Variants in ULK4 observed in about 807,000 individuals in gnomAD.
ULK4 encodes inactive serine/threonine-protein kinase ULK4.
A neutral mutation model predicts 160.6 loss-of-function variants in ULK4; 133 were observed. That is an observed-to-expected ratio of 0.83 (90% confidence interval 0.72 to 0.96). ULK4 has a LOEUF of 0.96. ULK4 is among the 40% of genes least tolerant of loss of function. ULK4 has a pLI of 0.00. For missense variants in ULK4, 1,580 were observed against 1,499.5 expected, an observed-to-expected ratio of 1.05 and a Z score of -0.89; for synonymous variants, 534 against 539.8, an observed-to-expected ratio of 0.99 and a Z score of 0.15.
At chr3:41,492,354 TAA>T (rs2084807875) in intron 32 of ULK4, among the ~76,000 whole-genome samples, 1 of 152,018 alleles carries the variant, frequency 6.6e-6, no homozygotes, top group Non-Finnish European at 1.5e-5. Flanking sequence ...GCCAACAGTG[TAA>T]AAGTGTTCCT....
At chr3:41,939,762 T>C (rs990259154) in intron 2 of ULK4, among the ~76,000 whole-genome samples, 16 of 151,348 alleles carry the variant, frequency 1.1e-4, no homozygotes, top group Non-Finnish European at 2.4e-4. Context: ...CAGCAGCAGG[T>C]GAGCAGTCAG....
chr3:41,381,087 G>A (rs954099962), intron 35 of ULK4, among the ~76,000 whole-genome samples: 2 of 152,118 alleles, frequency 1.3e-5, no homozygotes, highest in East Asian at 3.9e-4. Context: ...ACCTGTGGCA[G>A]TTATCTGTGG....
intron 35 of ULK4, among the ~76,000 whole-genome samples, chr3:41,367,865 G>A (rs1163932607): frequency 6.6e-6 from 1 of 152,020 alleles, no homozygotes; most frequent in African/African-American, 2.4e-5. Flanking sequence ...ATATGTATAT[G>A]TATATATGTA....
At chr3:41,249,664 A>C (rs1257989262) in intron 35 of ULK4, 90 bp from the exon 36 acceptor site, 37 of 1,375,108 alleles carry the variant, frequency 2.7e-5, no homozygotes, top group Non-Finnish European at 2.0e-6. Context: ...TCAGGCCTGC[A>C]TGGTGCTGTG....
At chr3:41,350,433 GCTAT>G (rs1443294483) in intron 35 of ULK4, among the ~76,000 whole-genome samples, 1 of 152,172 alleles carries the variant, frequency 6.6e-6, no homozygotes, top group East Asian at 1.9e-4. Flanking sequence ...TATATCTTTT[GCTAT>G]CTTTTTAATG....
chr3:41,605,147 A>G (rs1426878443), intron 31 of ULK4, among the ~76,000 whole-genome samples: 1 of 152,054 alleles, frequency 6.6e-6, no homozygotes, highest in African/African-American at 2.4e-5. Context: ...ATCATAAACT[A>G]TACCAACCAT....
intron 35 of ULK4, among the ~76,000 whole-genome samples, chr3:41,300,568 A>G (rs905348220): frequency 6.6e-6 from 1 of 151,924 alleles, no homozygotes; most frequent in African/African-American, 2.4e-5. Context: ...CCCAAACAAT[A>G]TGACACACCT....
intron 22 of ULK4, among the ~76,000 whole-genome samples, chr3:41,729,201 C>G (rs1281936791): frequency 6.6e-6 from 1 of 152,092 alleles, no homozygotes; most frequent in South Asian, 2.1e-4. Flanking sequence ...CCCTGTCTCC[C>G]CAATTGGGAT....
chr3:41,440,583 C>A (rs1004182177), intron 34 of ULK4, among the ~76,000 whole-genome samples: 1 of 152,002 alleles, frequency 6.6e-6, no homozygotes, highest in East Asian at 1.9e-4. Flanking sequence ...TAAATTTTTG[C>A]ATCTATGGTC....
At position 41,745,068 on chromosome 3, in the gene ULK4, GAGAC is replaced by G. The variant is rs958765660; in HGVS notation, c.2321+9289_2321+9292del. On this transcript the variant is annotated intron_variant, in intron 22 of 36. Coordinates refer to ENST00000301831, the MANE Select transcript of ULK4 (RefSeq NM_017886.4). ...ATGCAAATGCTACAAAAGCATCTGA[GAGAC>G]AGAGTTATAGAAATAATGCTACATG... 1.6e-3 allele frequency among the ~76,000 whole-genome samples: 250 copies of G among 151,538 alleles called. 5 individuals are homozygous for G. Among genetic ancestry groups the G allele is most frequent in the African/African-American group, 5.8e-3 (239 of 41,122 alleles).
intron 30 of ULK4, among the ~76,000 whole-genome samples, chr3:41,639,244 G>A (rs1038560250): frequency 2.6e-5 from 4 of 152,088 alleles, no homozygotes; most frequent in African/African-American, 4.8e-5. Context: ...AAAATATAAC[G>A]ACACCATAGA....
chr3:41,686,355 GAGGAAGGAAGT>G (rs1306821094), intron 27 of ULK4, among the ~76,000 whole-genome samples: 1 of 152,218 alleles, frequency 6.6e-6, no homozygotes, highest in Non-Finnish European at 1.5e-5. Flanking sequence ...TTTCTTGGAA[GAGGAAGGAAGT>G]ACGTGTTATT....
intron 34 of ULK4, among the ~76,000 whole-genome samples, chr3:41,432,860 A>T (rs902111032): frequency 1.3e-5 from 2 of 152,088 alleles, no homozygotes; most frequent in Non-Finnish European, 2.9e-5. Context: ...CCTTACAATA[A>T]AATAATCCTG....
At chr3:41,435,637 G>A (rs1327047352) in intron 34 of ULK4, among the ~76,000 whole-genome samples, 1 of 152,140 alleles carries the variant, frequency 6.6e-6, no homozygotes, top group African/African-American at 2.4e-5. Flanking sequence ...GAAAATGCAT[G>A]TAACCAACTA....
chr3:41,613,802 C>T (rs534740979), intron 31 of ULK4, among the ~76,000 whole-genome samples: 205 of 152,310 alleles, frequency 1.3e-3, no homozygotes, highest in African/African-American at 4.8e-3. Flanking sequence ...AGCAAGATCT[C>T]TTTTTCAGAT....
At chr3:41,607,829 A>T (rs960934816) in intron 31 of ULK4, among the ~76,000 whole-genome samples, 3 of 152,216 alleles carry the variant, frequency 2.0e-5, no homozygotes. Context: ...CACACTTAGG[A>T]ACATGCACAC....
At chr3:41,624,036 A>C (rs1027255632) in intron 30 of ULK4, among the ~76,000 whole-genome samples, 1 of 152,192 alleles carries the variant, frequency 6.6e-6, no homozygotes, top group African/African-American at 2.4e-5. Flanking sequence ...TTTCAATGAA[A>C]ACAGTTTTGG....
intron 32 of ULK4, among the ~76,000 whole-genome samples, chr3:41,530,507 T>G (rs2086269256): frequency 6.6e-6 from 1 of 152,170 alleles, no homozygotes; most frequent in Non-Finnish European, 1.5e-5. Flanking sequence ...AGAACTGTAC[T>G]AGAACCCAAC....
chr3:41,575,054 T>G (rs1417499628), intron 31 of ULK4, among the ~76,000 whole-genome samples: 1 of 152,006 alleles, frequency 6.6e-6, no homozygotes, highest in Non-Finnish European at 1.5e-5. Context: ...GATGCAGGGG[T>G]GTTGTTACTC....
Sources: allele counts gnomAD v4.1 joint callset (sites outside exome capture counted in the v4.1 genomes callset), GRCh38; gene constraint gnomAD v4.1.1; transcripts MANE v1.5; gene names NCBI Gene and HGNC (gene_info 2026-07-23, HGNC 2026-07-21).